Variants in USP42 observed in about 807,000 individuals in gnomAD.
The protein encoded by USP42 is ubiquitin specific peptidase 42, also known as ubiquitin carboxyl-terminal hydrolase 42.
In USP42, 23 loss-of-function variants were observed where a neutral mutation model predicts 113.0. The observed-to-expected ratio is 0.20, with a 90% CI of 0.15 to 0.29. The LOEUF is 0.29. USP42 is among the 10% of genes least tolerant of loss of function. USP42 has a pLI of 1.00. For synonymous variants in USP42, 933 were observed against 699.0 expected (o/e 1.33, Z -5.28); for missense variants, 2,174 against 1,779.8 (o/e 1.22, Z -3.99).
At position 6,115,323 on chromosome 7, in the gene USP42, C is replaced by T; in HGVS notation, c.242C>T (p.Ala81Val). 6.2e-7 allele frequency: 1 copy of T among 1,613,726 alleles called. No homozygotes were observed. The highest frequency in any genetic ancestry group is 1.3e-5 in the African/African-American group (1 of 75,040). ...KSKPSPQKDQ[A>V]LGDGIAPPQK... ...GACTCTTTCTTGTTTATTTTTCTAG[C>T]CCTAGGTGATGGCATCGCTCCTCCA... is the stretch of plus-strand genomic sequence containing the variant. The change falls in exon 3 of 18, where the codon GCC becomes GTC. Residue 81 changes from alanine (A) to valine (V), a missense_variant and splice_region_variant. Transcript: ENST00000306177.
In USP42 at chr7:6,158,021, G is replaced by C. The variant is rs1182537079; in HGVS notation, c.3943+966G>C. On this transcript the variant is annotated intron_variant, in intron 16 of 17. Coordinates refer to ENST00000306177, the MANE Select transcript of USP42 (RefSeq NM_032172.3). This position sits in a 1 kb window ranked among gnomAD's most constrained non-coding sequence, Gnocchi z 4.2. ...GTCAGTGGACCTAGAGCGGAGGCTG[G>C]CAAACTGCAGCCCTGGGGCCAACTT... Among the ~76,000 whole-genome samples the C allele has an allele frequency of 1.3e-5, 2 of 152,216 alleles. No individual in the cohort carries two copies. The highest frequency in any genetic ancestry group is 4.8e-5 in the African/African-American group (2 of 41,462).
rs535665390 is a variant in USP42, at chr7:6,138,965, A to G, written c.554-127A>G. 7.3e-5 allele frequency: 45 copies of G among 614,854 alleles called. 1 individual carries two copies. Among genetic ancestry groups the G allele is most frequent in the South Asian group, 6.5e-4 (28 of 42,908 alleles). 38.1% of individuals were successfully genotyped at this position (614,854 alleles called of 1,614,324 possible). On this transcript the variant is annotated intron_variant, in intron 4 of 17. Coordinates refer to ENST00000306177, the MANE Select transcript of USP42 (RefSeq NM_032172.3). ...TATATTAGTGGCTTATGTTAGTGCT[A>G]TTTCCTCATAAAGTAAGTATTTGGG...
chr7:6,091,437 A>G, the USP42 span, among the ~76,000 whole-genome samples: 1 of 150,486 alleles, frequency 6.6e-6, no homozygotes, highest in Non-Finnish European at 1.5e-5. Context: ...TATGTTGCCC[A>G]GGCTGGTCTT....
chr7:6,084,903 T>G, the USP42 span, among the ~76,000 whole-genome samples: 1 of 150,076 alleles, frequency 6.7e-6, no homozygotes, highest in Non-Finnish European at 1.5e-5. Flanking sequence ...ATTTTTAGTA[T>G]AGATGGGGTT....
intron 3 of USP42, among the ~76,000 whole-genome samples, chr7:6,125,646 T>C (rs567314889): frequency 6.6e-6 from 1 of 152,344 alleles, no homozygotes; most frequent in African/African-American, 2.4e-5. Flanking sequence ...TTTTAGATAG[T>C]TTAAAGCTTT....
chr7:6,110,060 C>T (rs1779512635), intron 1 of USP42, among the ~76,000 whole-genome samples: 1 of 152,028 alleles, frequency 6.6e-6, no homozygotes, highest in Non-Finnish European at 1.5e-5. Flanking sequence ...TCTCAAACTC[C>T]TGACCTCAAG....
At chr7:6,115,239 A>G (rs1307543503) in intron 2 of USP42, 84 bp from the exon 3 acceptor site, 4 of 1,355,424 alleles carry the variant, frequency 3.0e-6, no homozygotes, top group East Asian at 2.3e-5. Context: ...TCTTGTAAAG[A>G]TTGAGGTTTG....
upstream of USP42, among the ~76,000 whole-genome samples, chr7:6,101,719 A>AC (rs1562789937): frequency 6.6e-6 from 1 of 150,804 alleles, no homozygotes; most frequent in Admixed American, 6.6e-5. Context: ...GGGAGGTGTA[A>AC]CCCCCCATCC....
At chr7:6,142,081 A>G (rs1018975649) in intron 7 of USP42, among the ~76,000 whole-genome samples, 4 of 152,102 alleles carry the variant, frequency 2.6e-5, no homozygotes, top group Admixed American at 2.6e-4. Flanking sequence ...TTCCAGTTTT[A>G]TGTATTGCTG....
intron 4 of USP42, among the ~76,000 whole-genome samples, chr7:6,137,901 G>A (rs1017493128): frequency 3.9e-5 from 6 of 151,964 alleles, no homozygotes; most frequent in Non-Finnish European, 7.4e-5. Flanking sequence ...GGATGGCCTC[G>A]ATATCCTGAC....
chr7:6,086,587 T>A, the USP42 span, among the ~76,000 whole-genome samples: 7 of 150,796 alleles, frequency 4.6e-5, no homozygotes, highest in Non-Finnish European at 8.8e-5. Flanking sequence ...TGACCTCAGG[T>A]GATCCACCCC....
At chr7:6,106,704 A>G (rs548550734) in intron 1 of USP42, among the ~76,000 whole-genome samples, 1 of 151,386 alleles carries the variant, frequency 6.6e-6, no homozygotes, top group Admixed American at 6.6e-5. Flanking sequence ...AGGTAGGACT[A>G]CAGGCACATG....
At chr7:6,103,957 G>C (rs934401410), upstream of USP42, among the ~76,000 whole-genome samples, 3 of 151,142 alleles carry the variant, frequency 2.0e-5, no homozygotes, top group Admixed American at 1.3e-4. Context: ...GGTAGCGCGC[G>C]TCCGTAGCCC....
intron 3 of USP42, among the ~76,000 whole-genome samples, chr7:6,134,526 G>A (rs1167449543): frequency 1.3e-5 from 2 of 152,262 alleles, no homozygotes; most frequent in East Asian, 1.9e-4. Context: ...CGTCTGGGTA[G>A]CCTTTAGTCA....
At chr7:6,133,208 CAG>C (rs1780945932) in intron 3 of USP42, among the ~76,000 whole-genome samples, 1 of 152,196 alleles carries the variant, frequency 6.6e-6, no homozygotes. Flanking sequence ...ACAGCTCAGT[CAG>C]GGTACGAAAC....
the USP42 span, among the ~76,000 whole-genome samples, chr7:6,094,823 G>T: frequency 0.49 from 68,198 of 138,580 alleles, 18,063 homozygotes; most frequent in East Asian, 0.86. Context: ...TTTTTTTTTT[G>T]GTCACCCAGG....
intron 15 of USP42, among the ~76,000 whole-genome samples, chr7:6,156,140 G>A (rs1455449225): frequency 6.6e-6 from 1 of 152,176 alleles, no homozygotes; most frequent in African/African-American, 2.4e-5. Flanking sequence ...AGTAATTTTA[G>A]TTGACATCTC....
chr7:6,128,692 C>T (rs1780674943), intron 3 of USP42, among the ~76,000 whole-genome samples: 1 of 151,106 alleles, frequency 6.6e-6, no homozygotes, highest in Non-Finnish European at 1.5e-5. Context: ...CTTATTCTGC[C>T]ATTTAATGTT....
At chr7:6,086,974 T>G in the USP42 span, among the ~76,000 whole-genome samples, 1 of 149,728 alleles carries the variant, frequency 6.7e-6, no homozygotes, top group Non-Finnish European at 1.5e-5. Context: ...GTGATTTGCC[T>G]GCTTCAGCCT....
Sources: gnomAD v4.1 joint callset for allele counts (sites outside exome capture counted in the v4.1 genomes callset) on GRCh38, gnomAD v4.1.1 for gene constraint, Gnocchi (gnomAD v3.1) non-coding constraint, MANE v1.5 for transcripts, NCBI Gene and HGNC (gene_info 2026-07-23, HGNC 2026-07-21) for gene names.